Variants in RBFOX1 observed in about 807,000 individuals in gnomAD.
RBFOX1 encodes the protein RNA binding protein fox-1 homolog 1.
In RBFOX1, 8 loss-of-function variants were observed where a neutral mutation model predicts 57.7. That is an observed-to-expected ratio of 0.14 (90% CI 0.08 to 0.25). RBFOX1 has a LOEUF of 0.25. Among genes scored for constraint, RBFOX1 ranks in the 10% least tolerant of loss-of-function variants. RBFOX1 has a pLI of 1.00. For missense variants in RBFOX1, 611 were observed against 548.5 expected (o/e 1.11, Z -1.14); for synonymous variants, 326 against 222.4 (o/e 1.47, Z -4.15).
intron 1 of RBFOX1, among the ~76,000 whole-genome samples, chr16:5,392,359 A>G (rs1381686623): frequency 1.3e-5 from 2 of 152,134 alleles, no homozygotes; most frequent in Admixed American, 6.5e-5. Flanking sequence ...CTTCTTATTA[A>G]CTTCATCATC....
intron 4 of RBFOX1, among the ~76,000 whole-genome samples, chr16:7,159,970 G>C (rs181658433): frequency 1.3e-5 from 2 of 152,090 alleles, no homozygotes; most frequent in African/African-American, 2.4e-5. Flanking sequence ...CTTCCTTGAG[G>C]GGGGAGTTGT....
At chr16:5,835,147 G>A (rs1318153926) in intron 3 of RBFOX1, among the ~76,000 whole-genome samples, 1 of 152,176 alleles carries the variant, frequency 6.6e-6, no homozygotes, top group Non-Finnish European at 1.5e-5. Context: ...TAATGGGGCT[G>A]TAGAATTGCA....
chr16:5,811,928 C>G (rs1248564767), intron 3 of RBFOX1, among the ~76,000 whole-genome samples: 1 of 152,190 alleles, frequency 6.6e-6, no homozygotes, highest in Admixed American at 6.5e-5. Context: ...TTAATCTACT[C>G]TCCCTCAACC....
intron 1 of RBFOX1, among the ~76,000 whole-genome samples, chr16:5,424,806 GTT>G: frequency 6.6e-6 from 1 of 151,154 alleles, no homozygotes; most frequent in Non-Finnish European, 1.5e-5. Context: ...CATGGTGTCT[GTT>G]TTCTCTTCTC....
rs191489810 is a variant in RBFOX1 at position 7,202,804 on chromosome 16, C to T, written c.27+150706C>T. 1.2e-3 allele frequency among the ~76,000 whole-genome samples: 182 copies of T among 152,274 alleles called. 3 individuals are homozygous for T. Among genetic ancestry groups the T allele is most frequent in the Non-Finnish European group, 4.0e-4 (27 of 68,026 alleles). On this transcript the variant is annotated intron_variant, in intron 4 of 15. Transcript: ENST00000550418. ...TCCTGAAACCATCCCCTGCAACAGC[C>T]CCCCACCCTGGCCATTAGTTTATCT... is the stretch of plus-strand genomic sequence containing the variant.
intron 3 of RBFOX1, among the ~76,000 whole-genome samples, chr16:6,777,476 A>AT (rs930243587): frequency 6.6e-6 from 1 of 152,124 alleles, no homozygotes; most frequent in East Asian, 1.9e-4. Context: ...AACTCAACTT[A>AT]TTTTTTAATG....
At chr16:6,475,645 T>C (rs1354851303) in intron 2 of RBFOX1, among the ~76,000 whole-genome samples, 1 of 152,240 alleles carries the variant, frequency 6.6e-6, no homozygotes, top group Admixed American at 6.5e-5. Flanking sequence ...TTTCTTAATG[T>C]AACTGGATTA....
At chr16:5,871,679 G>A (rs760988859) in intron 4 of RBFOX1, among the ~76,000 whole-genome samples, 2 of 152,096 alleles carry the variant, frequency 1.3e-5, no homozygotes, top group Non-Finnish European at 2.9e-5. Flanking sequence ...GCCCCACGTT[G>A]TCTATGCTGA....
intron 3 of RBFOX1, among the ~76,000 whole-genome samples, chr16:6,982,028 C>T (rs932276856): frequency 3.3e-5 from 5 of 152,142 alleles, no homozygotes; most frequent in Non-Finnish European, 7.4e-5. Flanking sequence ...CGTGTTTTAC[C>T]TTACAAATTT....
intron 1 of RBFOX1, among the ~76,000 whole-genome samples, chr16:6,094,712 T>A (rs1271407336): frequency 6.6e-6 from 1 of 152,178 alleles, no homozygotes; most frequent in African/African-American, 2.4e-5. Flanking sequence ...CATCTGCACA[T>A]TGGAAATAAT....
intron 2 of RBFOX1, among the ~76,000 whole-genome samples, chr16:5,482,554 T>C (rs955107968): frequency 2.0e-5 from 3 of 152,220 alleles, no homozygotes; most frequent in Admixed American, 6.5e-5. Flanking sequence ...TAATTTTTCA[T>C]GCTGATGCCT....
At position 7,050,421 on chromosome 16, in the gene RBFOX1, A is replaced by G. The variant is rs559768376; in HGVS notation, c.-15-1636A>G. Among the ~76,000 whole-genome samples, 68 of 152,100 alleles carry G rather than the reference A, an allele frequency of 4.5e-4. 1 individual carries two copies. The highest frequency in any genetic ancestry group is 2.0e-3 in the Admixed American group (31 of 15,278). On this transcript the variant is annotated intron_variant, in intron 3 of 15. Transcript: ENST00000550418. ...GCTGGGATTACAGATGCCCACCACC[A>G]TGCCCAGCTAATTTTTGTATTTTTA... is the stretch of plus-strand genomic sequence containing the variant.
chr16:5,401,334 T>G (rs2066708212), intron 1 of RBFOX1, among the ~76,000 whole-genome samples: 1 of 152,198 alleles, frequency 6.6e-6, no homozygotes, highest in East Asian at 1.9e-4. Context: ...CTTTTCTTCT[T>G]GGTTTGTGAT....
rs916510360 is a variant in RBFOX1, at chr16:7,615,236, G to A, written c.676+7898G>A. Among the ~76,000 whole-genome samples, 71 of 152,152 alleles carry A rather than the reference G, an allele frequency of 4.7e-4. 1 individual carries two copies. Among genetic ancestry groups the A allele is most frequent in the South Asian group, 2.1e-4 (1 of 4,820 alleles). On this transcript the variant is annotated intron_variant, in intron 10 of 15. Transcript: ENST00000550418. ...TAGTCCCAGCTACTGGGGAGGCTGA[G>A]GCAGGAGAATGGCGTGAACCTGGGA...
Position 6,225,606 on chromosome 16 carries a change from A to G in RBFOX1, c.-126-91389A>G, listed in dbSNP as rs557501484. ...GAAATTTACTTTAACTTCTGCCACA[A>G]TGAAAACTGGAAGAAAGGGAATTGC... On this transcript the variant is annotated intron_variant, in intron 1 of 15. Transcript: ENST00000550418. 2.0e-3 allele frequency among the ~76,000 whole-genome samples: 309 copies of G among 152,338 alleles called. 2 individuals carry two copies. Among genetic ancestry groups the G allele is most frequent in the African/African-American group, 6.0e-3 (248 of 41,584 alleles).
At chr16:5,346,282 G>C (rs78184416) in intron 1 of RBFOX1, among the ~76,000 whole-genome samples, 3,759 of 152,322 alleles carry the variant, frequency 0.025, 155 homozygotes, top group African/African-American at 0.085. Context: ...TTATAGAGCT[G>C]TGGTGAGAAT....
intron 1 of RBFOX1, among the ~76,000 whole-genome samples, chr16:6,253,589 TGATA>T (rs1452471181): frequency 1.4e-5 from 2 of 141,392 alleles, no homozygotes; most frequent in East Asian, 2.3e-4. Context: ...CAATGGTTGA[TGATA>T]GATAGATAGA....
chr16:7,464,571 C>G (rs555962673), intron 4 of RBFOX1, among the ~76,000 whole-genome samples: 6 of 152,136 alleles, frequency 3.9e-5, no homozygotes, highest in African/African-American at 1.4e-4. Context: ...TTAAAAATCC[C>G]TGAGTGTTTG....
Position 6,079,754 on chromosome 16 carries a change from T to C in RBFOX1, c.-127+59762T>C, listed in dbSNP as rs1332732487. On this transcript the variant is annotated intron_variant, in intron 1 of 15. Coordinates refer to ENST00000550418, the MANE Select transcript of RBFOX1 (RefSeq NM_018723.4). ...AGAAGGCTGAGATGGGAGGATGGCC[T>C]GGGCTGAGCAGTTGCAGGCTCGTTG... 2.0e-5 allele frequency among the ~76,000 whole-genome samples: 3 copies of C among 152,150 alleles called. 1 individual carries two copies. The highest frequency in any genetic ancestry group is 1.3e-4 in the Admixed American group (2 of 15,278).
Sources: allele counts gnomAD v4.1 joint callset (sites outside exome capture counted in the v4.1 genomes callset), GRCh38; gene constraint gnomAD v4.1.1; transcripts MANE v1.5; gene names NCBI Gene and HGNC (gene_info 2026-07-23, HGNC 2026-07-21).